Variants in AKAP7 observed in about 807,000 individuals in gnomAD.
AKAP7 encodes the protein A-kinase anchoring protein 7.
In AKAP7, 39 loss-of-function variants were observed where a neutral mutation model predicts 39.5. The ratio of observed to expected loss-of-function variants is 0.99; its 90% CI spans 0.76 to 1.29. The LOEUF (loss-of-function observed/expected upper bound fraction) is 1.29, where lower values mean the gene tolerates loss of function less well. Among genes scored for constraint, AKAP7 ranks in the 50% most tolerant of loss-of-function variants. AKAP7 has a pLI of 0.00. For missense variants in AKAP7, 414 were observed against 407.7 expected (o/e 1.02, Z -0.13); for synonymous variants, 140 against 139.1 (o/e 1.01, Z -0.05).
Position 131,243,247 on chromosome 6 carries a change from G to C in AKAP7, c.850+23439G>C, listed in dbSNP as rs975882849. Among the ~76,000 whole-genome samples the C allele has an allele frequency of 4.6e-5, 7 of 152,234 alleles. No homozygotes were observed. The South Asian group carries it at 8.3e-4, about 18-fold the overall frequency. ...AAACCAGATGAATCAAGAATTTTTG[G>C]TATTTGCAGCTGAGTGCATCCTAAC... On this transcript the variant is annotated intron_variant, in intron 7 of 7. Coordinates refer to ENST00000431975, the MANE Select transcript of AKAP7 (RefSeq NM_016377.4).
chr6:131,168,725 T>C (rs1327356034), intron 4 of AKAP7, among the ~76,000 whole-genome samples: 2 of 152,236 alleles, frequency 1.3e-5, no homozygotes, highest in African/African-American at 4.8e-5. Flanking sequence ...ATTAGTACTT[T>C]CATCAAAAAT....
chr6:131,195,266 T>C (rs181320625), intron 5 of AKAP7, among the ~76,000 whole-genome samples: 1 of 152,158 alleles, frequency 6.6e-6, no homozygotes, highest in Non-Finnish European at 1.5e-5. Context: ...TTTAAAGTGA[T>C]GACAACTTAA....
intron 7 of AKAP7, among the ~76,000 whole-genome samples, chr6:131,262,697 CA>C (rs1268007804): frequency 6.6e-6 from 1 of 152,098 alleles, no homozygotes; most frequent in Non-Finnish European, 1.5e-5. Flanking sequence ...ATCAATTCAA[CA>C]AACTTAAAAA....
At chr6:131,224,071 A>G (rs1322046827) in intron 7 of AKAP7, among the ~76,000 whole-genome samples, 1 of 152,130 alleles carries the variant, frequency 6.6e-6, no homozygotes, top group African/African-American at 2.4e-5. Context: ...ATCATTTCAC[A>G]TTGTTTTAAA....
chr6:131,185,562 G>T, intron 5 of AKAP7: 1 of 174,610 alleles, frequency 5.7e-6, no homozygotes, highest in East Asian at 1.4e-4. Flanking sequence ...GTTTTGATTT[G>T]CAATTCCTTG....
At chr6:131,135,101 G>A (rs1048812513), upstream of AKAP7, among the ~76,000 whole-genome samples, 3 of 152,142 alleles carry the variant, frequency 2.0e-5, no homozygotes, top group Non-Finnish European at 4.4e-5. Context: ...GAAGTACAAG[G>A]TCTCGTTCTT....
chr6:131,184,722 G>A, intron 5 of AKAP7: 2 of 866,702 alleles, frequency 2.3e-6, no homozygotes, highest in Non-Finnish European at 4.0e-6. Flanking sequence ...GACCCTTTTT[G>A]GATTTCTGTT....
intron 2 of AKAP7, among the ~76,000 whole-genome samples, chr6:131,159,732 C>G (rs1006928978): frequency 1.3e-5 from 2 of 152,210 alleles, no homozygotes; most frequent in Admixed American, 6.5e-5. Flanking sequence ...GGGAGCTGTG[C>G]TTCAGATCAT....
Position 131,281,981 on chromosome 6 carries a change from AC to A in AKAP7, c.*256del. The A allele has an allele frequency of 1.7e-6, 2 of 1,190,958 alleles. No homozygotes were observed. The highest frequency in any genetic ancestry group is 2.1e-6 in the Non-Finnish European group (2 of 963,120). 73.8% of individuals were successfully genotyped at this position (1,190,958 alleles called of 1,614,324 possible). On this transcript the variant is annotated 3_prime_UTR_variant, in exon 8 of 8. Coordinates refer to ENST00000431975, the MANE Select transcript of AKAP7 (RefSeq NM_016377.4). This position sits in a 1 kb window ranked among gnomAD's most constrained non-coding sequence, Gnocchi z 4.0. ...AAGTTTCATTCGCCCTCAGCCACGC[AC>A]AAGGGAAAGGGAACTTTGGGTTATG...
chr6:131,160,274 C>T, intron 3 of AKAP7, 76 bp downstream of exon 3: 3 of 1,446,932 alleles, frequency 2.1e-6, no homozygotes, highest in South Asian at 2.5e-5. Context: ...CTTATTAGCC[C>T]ACTTGCTCTT....
intron 7 of AKAP7, among the ~76,000 whole-genome samples, chr6:131,229,563 G>C (rs1044524433): frequency 2.0e-5 from 3 of 152,114 alleles, no homozygotes; most frequent in African/African-American, 7.2e-5. Context: ...TGGCCAGGCT[G>C]TTCTTGAATT....
At chr6:131,212,274 A>T (rs2128292543) in intron 6 of AKAP7, among the ~76,000 whole-genome samples, 1 of 152,350 alleles carries the variant, frequency 6.6e-6, no homozygotes, top group South Asian at 2.1e-4. Flanking sequence ...ATGTTATATA[A>T]AAATTATTTT....
chr6:131,144,026 C>G (rs1316713677), intron 1 of AKAP7, among the ~76,000 whole-genome samples: 6 of 137,860 alleles, frequency 4.4e-5, no homozygotes, highest in African/African-American at 1.7e-4. Context: ...GCCCTTAATC[C>G]ATTTAACCCT....
chr6:131,131,608 G>A (rs1337931542), upstream of AKAP7, among the ~76,000 whole-genome samples: 1 of 151,800 alleles, frequency 6.6e-6, no homozygotes, highest in Non-Finnish European at 1.5e-5. Flanking sequence ...TATGCATTTG[G>A]GAATACGAAG....
intron 5 of AKAP7, among the ~76,000 whole-genome samples, chr6:131,197,821 AAAGAC>A (rs1343758797): frequency 1.5e-4 from 23 of 152,192 alleles, no homozygotes; most frequent in African/African-American, 5.3e-4. Flanking sequence ...AGGAATGAGA[AAAGAC>A]AAGTTAAGAG....
chr6:131,130,987 G>T (rs906352715), upstream of AKAP7, among the ~76,000 whole-genome samples: 3 of 152,180 alleles, frequency 2.0e-5, no homozygotes, highest in African/African-American at 7.2e-5. Flanking sequence ...AGATGTTAAA[G>T]TTAATGTTGG....
chr6:131,227,775 T>C (rs1810304351), intron 7 of AKAP7, among the ~76,000 whole-genome samples: 1 of 152,204 alleles, frequency 6.6e-6, no homozygotes, highest in African/African-American at 2.4e-5. Context: ...TCAGACTTTA[T>C]GGGCTGAAAC....
chr6:131,282,369 A>C lies in AKAP7; in HGVS notation c.*643A>C. On this transcript the variant is annotated 3_prime_UTR_variant, in exon 8 of 8. Transcript: ENST00000431975. ...ATAAGTCAGTATGCCATATTTAATG[A>C]AATGTTATTATATAATTTTTTTTTC... is the stretch of plus-strand genomic sequence containing the variant. 1 of 1,426,848 alleles carries C rather than the reference A, an allele frequency of 7.0e-7. No homozygotes were observed. Among genetic ancestry groups the C allele is most frequent in the South Asian group, 1.6e-5 (1 of 64,366 alleles). The allele number at this position is 1,426,848 out of a possible 1,614,324, so 88.4% of individuals were successfully genotyped here.
intron 7 of AKAP7, among the ~76,000 whole-genome samples, chr6:131,254,548 A>G (rs916235773): frequency 2.7e-4 from 41 of 152,202 alleles, no homozygotes; most frequent in Non-Finnish European, 1.0e-4. Flanking sequence ...TGATTTTCCC[A>G]TTTTGAAGTA....
Sources: gnomAD v4.1 joint callset for allele counts (sites outside exome capture counted in the v4.1 genomes callset) on GRCh38, gnomAD v4.1.1 for gene constraint, Gnocchi (gnomAD v3.1) non-coding constraint, MANE v1.5 for transcripts, NCBI Gene and HGNC (gene_info 2026-07-23, HGNC 2026-07-21) for gene names.